Variants in KIZ observed in about 807,000 individuals in gnomAD.
KIZ encodes the protein kizuna centrosomal protein, also known as centrosomal protein kizuna.
In KIZ, 68 loss-of-function variants were observed where a neutral mutation model predicts 79.6. That is an observed-to-expected ratio of 0.85 (90% confidence interval 0.70 to 1.05). The LOEUF is 1.05. Among genes scored for constraint, KIZ ranks in the 50% least tolerant of loss-of-function variants. The pLI is 0.00. For synonymous variants in KIZ, 280 were observed against 281.8 expected, an observed-to-expected ratio of 0.99 and a Z score of 0.06; for missense variants, 797 against 800.4, an observed-to-expected ratio of 1.00 and a Z score of 0.05.
At chr20:21,176,430 A>G (rs1282658438) in intron 6 of KIZ, among the ~76,000 whole-genome samples, 1 of 152,182 alleles carries the variant, frequency 6.6e-6, no homozygotes, top group Non-Finnish European at 1.5e-5. Context: ...GCAACAGACA[A>G]TAAACACAGC....
intron 4 of KIZ, chr20:21,158,771 G>A (rs1209239155): frequency 2.6e-5 from 4 of 152,002 alleles, no homozygotes; most frequent in Non-Finnish European, 5.9e-5. Context: ...CTCCCTCTGT[G>A]GGGAGAGATG....
chr20:21,185,746 CTG>C (rs2034852426), intron 6 of KIZ, among the ~76,000 whole-genome samples: 1 of 149,694 alleles, frequency 6.7e-6, no homozygotes, highest in South Asian at 2.1e-4. Flanking sequence ...GAGTCTTGCT[CTG>C]TTGCCCAGGC....
chr20:21,244,332 A>C (rs765553065), intron 12 of KIZ, 44 bp downstream of exon 12: 4 of 1,377,312 alleles, frequency 2.9e-6, no homozygotes, highest in Non-Finnish European at 4.1e-6. Flanking sequence ...TTCTGTTTTA[A>C]CCAAAAAACT....
intron 4 of KIZ, among the ~76,000 whole-genome samples, chr20:21,151,989 G>A (rs537832116): frequency 2.0e-5 from 3 of 152,276 alleles, no homozygotes; most frequent in Non-Finnish European, 4.4e-5. Flanking sequence ...TCTGCATATG[G>A]CGCCCAGAAT....
intron 2 of KIZ, among the ~76,000 whole-genome samples, chr20:21,134,823 C>T (rs2032082022): frequency 6.6e-6 from 1 of 151,928 alleles, no homozygotes; most frequent in Non-Finnish European, 1.5e-5. Context: ...CATACCACCA[C>T]ACCCGGCTAA....
chr20:21,139,834 A>G (rs1051648138), intron 3 of KIZ, among the ~76,000 whole-genome samples: 2 of 152,200 alleles, frequency 1.3e-5, no homozygotes, highest in Non-Finnish European at 2.9e-5. Context: ...ACATGGTTCA[A>G]AAATTATGTA....
intron 1 of KIZ, among the ~76,000 whole-genome samples, chr20:21,131,432 G>T (rs997372589): frequency 6.6e-6 from 1 of 152,144 alleles, no homozygotes; most frequent in Admixed American, 6.5e-5. Flanking sequence ...GTCTTCATCA[G>T]ATGTAAGTGA....
rs944468846 is a variant in KIZ, at chr20:21,204,273, G to A, written c.1353-1218G>A. 7.8e-4 allele frequency among the ~76,000 whole-genome samples: 117 copies of A among 150,234 alleles called. No individual in the cohort carries two copies. In the South Asian group the frequency reaches 0.019, roughly 24 times the overall value. On this transcript the variant is annotated intron_variant, in intron 6 of 12. Coordinates refer to ENST00000619189, the MANE Select transcript of KIZ (RefSeq NM_018474.6). ...TGGGACTACAGGCGCCCGCCACTAC[G>A]CCCGGCTAATTTTTTGTATTTTTAG...
At chr20:21,147,211 A>G (rs1317729388) in intron 4 of KIZ, among the ~76,000 whole-genome samples, 1 of 152,168 alleles carries the variant, frequency 6.6e-6, no homozygotes, top group Non-Finnish European at 1.5e-5. Context: ...CATATTTAAA[A>G]TTAGGGCAAG....
intron 11 of KIZ, among the ~76,000 whole-genome samples, chr20:21,242,194 A>G (rs1342161841): frequency 6.6e-6 from 1 of 152,248 alleles, no homozygotes; most frequent in Non-Finnish European, 1.5e-5. Flanking sequence ...GATGTGAAAC[A>G]GCAACTTGAC....
chr20:21,151,519 G>GT (rs1353111213), intron 4 of KIZ: 10 of 152,226 alleles, frequency 6.6e-5, no homozygotes, highest in African/African-American at 2.2e-4. Flanking sequence ...GAAAAGAAAC[G>GT]TAAGTCAATT....
At chr20:21,191,172 C>T (rs1475770160) in intron 6 of KIZ, among the ~76,000 whole-genome samples, 1 of 152,190 alleles carries the variant, frequency 6.6e-6, no homozygotes, top group Non-Finnish European at 1.5e-5. Context: ...ATTTATTCAA[C>T]AAATAGTTAC....
intron 6 of KIZ, among the ~76,000 whole-genome samples, chr20:21,184,893 G>A (rs1304003096): frequency 6.6e-6 from 1 of 152,094 alleles, no homozygotes; most frequent in African/African-American, 2.4e-5. Flanking sequence ...ATAAAAATAA[G>A]TTAGTCAGGC....
At chr20:21,242,329 G>A (rs1395315931) in intron 11 of KIZ, among the ~76,000 whole-genome samples, 1 of 152,212 alleles carries the variant, frequency 6.6e-6, no homozygotes, top group African/African-American at 2.4e-5. Flanking sequence ...GAAATCAATG[G>A]AAAGGCATTG....
chr20:21,194,794 A>C (rs1296138064), intron 6 of KIZ: 4 of 152,078 alleles, frequency 2.6e-5, no homozygotes, highest in Non-Finnish European at 4.4e-5. Flanking sequence ...GTTTGAGACC[A>C]GCCTGGGCAA....
At chr20:21,223,530 G>A (rs2036564836) in intron 9 of KIZ, among the ~76,000 whole-genome samples, 1 of 152,058 alleles carries the variant, frequency 6.6e-6, no homozygotes, top group South Asian at 2.1e-4. Context: ...GTCTGGATGT[G>A]AAAAGTGATT....
intron 3 of KIZ, chr20:21,143,981 G>A (rs143545277): frequency 1.3e-5 from 2 of 152,150 alleles, no homozygotes; most frequent in African/African-American, 2.4e-5. Flanking sequence ...TTCATTGTGC[G>A]ATTTCTGTTT....
intron 3 of KIZ, among the ~76,000 whole-genome samples, chr20:21,142,566 A>G (rs1156316829): frequency 1.3e-5 from 2 of 152,008 alleles, no homozygotes; most frequent in Non-Finnish European, 2.9e-5. Context: ...TGAATATATA[A>G]TGTCATTATT....
At chr20:21,137,137 C>G (rs2032240145) in intron 3 of KIZ, among the ~76,000 whole-genome samples, 2 of 152,220 alleles carry the variant, frequency 1.3e-5, no homozygotes, top group African/African-American at 2.4e-5. Flanking sequence ...CCCCTCTTCT[C>G]TGGCAAACAG....
Sources: gnomAD v4.1 joint callset for allele counts (sites outside exome capture counted in the v4.1 genomes callset) on GRCh38, gnomAD v4.1.1 for gene constraint, MANE v1.5 for transcripts, NCBI Gene and HGNC (gene_info 2026-07-23, HGNC 2026-07-21) for gene names.